Variants in USP25 observed in about 807,000 individuals in gnomAD.
USP25 encodes the protein ubiquitin specific peptidase 25.
A neutral mutation model predicts 158.5 loss-of-function variants in USP25; 85 were observed. The observed-to-expected ratio is 0.54, with a 90% confidence interval of 0.45 to 0.64. The LOEUF (loss-of-function observed/expected upper bound fraction) is 0.64, where lower values mean the gene tolerates loss of function less well. Ranked by LOEUF, USP25 falls within the 30% of genes least tolerant of loss-of-function variation. The pLI is 0.00. For missense variants in USP25, 1,242 were observed against 1,327.3 expected, an observed-to-expected ratio of 0.94 and a Z score of 1.00; for synonymous variants, 464 against 460.4, an observed-to-expected ratio of 1.01 and a Z score of -0.10.
intron 20 of USP25, among the ~76,000 whole-genome samples, chr21:15,850,408 G>A (rs1053060628): frequency 6.6e-6 from 1 of 151,898 alleles, no homozygotes; most frequent in African/African-American, 2.4e-5. Context: ...AGCTGAACAC[G>A]ATTCCATGAT....
chr21:15,785,877 A>G (rs1199335615), intron 4 of USP25, among the ~76,000 whole-genome samples: 1 of 151,940 alleles, frequency 6.6e-6, no homozygotes, highest in Non-Finnish European at 1.5e-5. Flanking sequence ...TTTTGAGAAG[A>G]TAAACAGAAT....
intron 14 of USP25, among the ~76,000 whole-genome samples, chr21:15,829,071 C>T (rs74416569): frequency 0.077 from 11,764 of 152,164 alleles, 521 homozygotes; most frequent in East Asian, 0.092. Flanking sequence ...TTCCAACACA[C>T]GGGTATGATG....
chr21:15,868,839 G>A (rs192609301), intron 22 of USP25, among the ~76,000 whole-genome samples: 2 of 152,174 alleles, frequency 1.3e-5, no homozygotes, highest in Non-Finnish European at 2.9e-5. Context: ...ATGACAACAA[G>A]GAATGACAGT....
chr21:15,761,644 C>G (rs2033731581), intron 1 of USP25, among the ~76,000 whole-genome samples: 1 of 152,202 alleles, frequency 6.6e-6, no homozygotes, highest in Non-Finnish European at 1.5e-5. Flanking sequence ...CAGCCCCTCC[C>G]CAGTGCTGGC....
chr21:15,856,148 A>C (rs1276653935), intron 20 of USP25, among the ~76,000 whole-genome samples: 1 of 152,190 alleles, frequency 6.6e-6, no homozygotes, highest in Non-Finnish European at 1.5e-5. Context: ...ACCTTAATGA[A>C]CCTCATTTTC....
intron 3 of USP25, among the ~76,000 whole-genome samples, chr21:15,769,845 G>T (rs780558825): frequency 2.6e-4 from 39 of 152,120 alleles, no homozygotes; most frequent in Non-Finnish European, 4.9e-4. Context: ...AGATAAGAGG[G>T]ATTTGGGTAG....
At chr21:15,731,692 T>G (rs2030923725) in intron 1 of USP25, among the ~76,000 whole-genome samples, 1 of 152,230 alleles carries the variant, frequency 6.6e-6, no homozygotes, top group Non-Finnish European at 1.5e-5. Flanking sequence ...ATATTATTGG[T>G]AAAGTTAGAA....
At position 15,799,807 on chromosome 21, in the gene USP25, T is replaced by C. The variant is rs2036041092; in HGVS notation, c.606T>C (p.Pro202=). The part of the protein sequence containing the change: ...EFRRLVLNYK[P]PSNAQDLPRN... ...GAAGATTAGTTCTGAATTACAAGCCTCCATCAAATGCTCAAGATTTACCCC... is the reference window on the plus strand; with the variant it reads ...GAAGATTAGTTCTGAATTACAAGCCCCCATCAAATGCTCAAGATTTACCCC... Residue 202 remains proline, a synonymous_variant, in exon 6 of 26, where the codon CCT becomes CCC. Coordinates refer to ENST00000400183, the MANE Select transcript of USP25 (RefSeq NM_001283041.3). 6.2e-7 allele frequency: 1 copy of C among 1,604,842 alleles called. No individual in the cohort carries two copies. The highest frequency in any genetic ancestry group is 8.5e-7 in the Non-Finnish European group (1 of 1,174,696).
At chr21:15,872,782 TTTTACA>T in intron 23 of USP25, among the ~76,000 whole-genome samples, 1 of 152,294 alleles carries the variant, frequency 6.6e-6, no homozygotes, top group African/African-American at 2.4e-5. Flanking sequence ...TTTTAAATAA[TTTTACA>T]TTTAACATTT....
intron 9 of USP25, among the ~76,000 whole-genome samples, chr21:15,812,066 C>T (rs1203721207): frequency 6.6e-6 from 1 of 151,504 alleles, no homozygotes; most frequent in Non-Finnish European, 1.5e-5. Flanking sequence ...CATGTTCGTA[C>T]GTTTTTGTTT....
At chr21:15,787,029 G>T (rs943798396) in intron 4 of USP25, among the ~76,000 whole-genome samples, 1 of 151,938 alleles carries the variant, frequency 6.6e-6, no homozygotes, top group African/African-American at 2.4e-5. Flanking sequence ...AAAAAATCTA[G>T]ATACCTAAGA....
intron 23 of USP25, among the ~76,000 whole-genome samples, chr21:15,872,035 TTTTTTA>T: frequency 6.8e-6 from 1 of 146,616 alleles, no homozygotes; most frequent in Non-Finnish European, 1.5e-5. Context: ...TTTTTTTTTT[TTTTTTA>T]CTTTAAATCT....
rs1568856015 is a variant in USP25, at chr21:15,826,226, C to A, written c.1327C>A (p.Pro443Thr). The change falls in exon 13 of 26, where the codon CCC becomes ACC. Residue 443 changes from proline to threonine, a missense_variant. Physicochemically the swap from Pro to Thr is conservative, Grantham distance 38 (BLOSUM62 -1). Around this residue, in one of 3 missense-constraint regions of USP25, gnomAD observed 627 missense variants for 701.4 expected, o/e 0.89. Coordinates refer to ENST00000400183, the MANE Select transcript of USP25 (RefSeq NM_001283041.3). This position sits in a 1 kb window ranked among gnomAD's most constrained non-coding sequence, Gnocchi z 4.8. ...CAGATATTTAAGCTATGGTTCCGGT[C>A]CCAAACGATTCCCCTTGGTAGATGT... Reference protein sequence around the residue: ...LERYLSYGSGPKRFPLVDVLQ... With the variant: ...LERYLSYGSGTKRFPLVDVLQ... 4 of 1,613,904 alleles carry A rather than the reference C, an allele frequency of 2.5e-6. No individual in the cohort carries two copies. The highest frequency in any genetic ancestry group is 3.4e-6 in the Non-Finnish European group (4 of 1,179,886).
At chr21:15,784,464 C>G (rs1341768517) in intron 4 of USP25, among the ~76,000 whole-genome samples, 1 of 151,812 alleles carries the variant, frequency 6.6e-6, no homozygotes, top group Non-Finnish European at 1.5e-5. Context: ...CCAAGCTACT[C>G]GGGTGGCTGA....
chr21:15,746,278 G>A (rs989160254), intron 1 of USP25, among the ~76,000 whole-genome samples: 1 of 152,150 alleles, frequency 6.6e-6, no homozygotes, highest in Admixed American at 6.5e-5. Context: ...CTTTCTGACT[G>A]TTTGGACATC....
chr21:15,839,035 C>G (rs1398458608), intron 17 of USP25, among the ~76,000 whole-genome samples: 2 of 152,070 alleles, frequency 1.3e-5, no homozygotes, highest in Admixed American at 1.3e-4. Flanking sequence ...ATTTGAAAAT[C>G]CTAGAGAAAT....
intron 17 of USP25, among the ~76,000 whole-genome samples, chr21:15,840,175 C>T (rs2038260932): frequency 1.3e-5 from 2 of 152,222 alleles, no homozygotes; most frequent in South Asian, 4.2e-4. Context: ...CCAAGATAAT[C>T]CTCTACAAAT....
intron 18 of USP25, 32 bp from the exon 19 acceptor site, chr21:15,847,631 C>G (rs1248007675): frequency 2.8e-6 from 4 of 1,448,972 alleles, no homozygotes; most frequent in Non-Finnish European, 3.8e-6. Context: ...GTTCTCTTTT[C>G]TAATGTTTAT....
chr21:15,794,496 TA>T (rs2123638639), intron 5 of USP25, among the ~76,000 whole-genome samples: 1 of 151,740 alleles, frequency 6.6e-6, no homozygotes, highest in South Asian at 2.1e-4. Flanking sequence ...ATGAGTTAGC[TA>T]TTTGGAGGTG....
Sources: gnomAD v4.1 joint callset for allele counts (sites outside exome capture counted in the v4.1 genomes callset) on GRCh38, gnomAD v4.1.1 for gene constraint, gnomAD v4.1.1 regional missense constraint, Gnocchi (gnomAD v3.1) non-coding constraint, MANE v1.5 for transcripts, NCBI Gene and HGNC (gene_info 2026-07-23, HGNC 2026-07-21) for gene names.